NOS1AP: variants seen among roughly 807,000 people sequenced by gnomAD.
The protein encoded by NOS1AP is nitric oxide synthase 1 adaptor protein.
In NOS1AP, 21 loss-of-function variants were observed where a neutral mutation model predicts 56.2. The ratio of observed to expected loss-of-function variants is 0.37; its 90% confidence interval spans 0.26 to 0.54. The LOEUF (loss-of-function observed/expected upper bound fraction) is 0.54, where lower values mean the gene tolerates loss of function less well. Ranked by LOEUF, NOS1AP falls within the 20% of genes least tolerant of loss-of-function variation. The probability of loss-of-function intolerance (pLI) is 0.84; values close to 1 mark genes in which losing one functional copy is unlikely to be tolerated. For synonymous variants in NOS1AP, 270 were observed against 274.6 expected, an observed-to-expected ratio of 0.98 and a Z score of 0.17; for missense variants, 522 against 657.8, an observed-to-expected ratio of 0.79 and a Z score of 2.26.
intron 1 of NOS1AP, among the ~76,000 whole-genome samples, chr1:162,083,721 C>T (rs189907608): frequency 5.3e-4 from 80 of 152,276 alleles, no homozygotes; most frequent in African/African-American, 1.9e-3. Flanking sequence ...AGGAAATTAC[C>T]TGCAAATTCC....
At chr1:162,254,080 T>G (rs1006376754) in intron 2 of NOS1AP, among the ~76,000 whole-genome samples, 1 of 152,216 alleles carries the variant, frequency 6.6e-6, no homozygotes, top group Non-Finnish European at 1.5e-5. Flanking sequence ...TTCTTATTTT[T>G]TGAGTAATTG....
chr1:162,269,437 A>G (rs1375641500), intron 2 of NOS1AP, among the ~76,000 whole-genome samples: 2 of 152,194 alleles, frequency 1.3e-5, no homozygotes, highest in African/African-American at 2.4e-5. Context: ...AATGGCTGAT[A>G]TCTTGGAAAT....
intron 4 of NOS1AP, among the ~76,000 whole-genome samples, chr1:162,330,765 T>A (rs1656740966): frequency 6.6e-6 from 1 of 152,180 alleles, no homozygotes; most frequent in Non-Finnish European, 1.5e-5. Flanking sequence ...CAGCACACTG[T>A]TTACAGGATG....
At chr1:162,105,170 G>A (rs548164377) in intron 1 of NOS1AP, among the ~76,000 whole-genome samples, 1 of 152,342 alleles carries the variant, frequency 6.6e-6, no homozygotes, top group East Asian at 1.9e-4. Flanking sequence ...CACTGCTGCA[G>A]TTTGCTGGGG....
chr1:162,289,170 G>A (rs900319458), intron 3 of NOS1AP, among the ~76,000 whole-genome samples: 7 of 150,930 alleles, frequency 4.6e-5, no homozygotes, highest in Non-Finnish European at 8.9e-5. Flanking sequence ...ACTTCTGACT[G>A]ACATATCTTT....
chr1:162,265,809 A>C (rs1304668919), intron 2 of NOS1AP, among the ~76,000 whole-genome samples: 1 of 152,206 alleles, frequency 6.6e-6, no homozygotes, highest in African/African-American at 2.4e-5. Context: ...AGGAACAATA[A>C]AACCTTAAAA....
intron 4 of NOS1AP, among the ~76,000 whole-genome samples, chr1:162,320,059 C>T (rs1356596561): frequency 6.6e-6 from 1 of 152,172 alleles, no homozygotes; most frequent in Non-Finnish European, 1.5e-5. Flanking sequence ...GCACTTGCCA[C>T]ACCCTGTCTG....
intron 2 of NOS1AP, among the ~76,000 whole-genome samples, chr1:162,162,926 A>C (rs1650295052): frequency 6.6e-6 from 1 of 152,090 alleles, no homozygotes; most frequent in African/African-American, 2.4e-5. Flanking sequence ...CGCGAACCCC[A>C]AAAAGAAACT....
At chr1:162,316,710 G>A (rs1656242084) in intron 4 of NOS1AP, 1 of 152,496 alleles carries the variant, frequency 6.6e-6, no homozygotes, top group South Asian at 2.1e-4. Context: ...ATGTTTTAGG[G>A]GCAGGGGGTG....
chr1:162,078,154 C>A (rs750896723), intron 1 of NOS1AP, among the ~76,000 whole-genome samples: 15 of 152,148 alleles, frequency 9.9e-5, no homozygotes, highest in Non-Finnish European at 1.9e-4. Flanking sequence ...CCTTTGGATT[C>A]TATCTACTCC....
At chr1:162,359,064 A>C (rs1435240897) in intron 8 of NOS1AP, among the ~76,000 whole-genome samples, 1 of 152,134 alleles carries the variant, frequency 6.6e-6, no homozygotes, top group Non-Finnish European at 1.5e-5. Context: ...GCCCTGTTTT[A>C]ATTGTGTCTC....
At chr1:162,275,615 A>T (rs1654708253) in intron 2 of NOS1AP, among the ~76,000 whole-genome samples, 3 of 152,066 alleles carry the variant, frequency 2.0e-5, no homozygotes, top group African/African-American at 7.2e-5. Context: ...TCATAGTTGG[A>T]GGGGGAAACC....
intron 2 of NOS1AP, among the ~76,000 whole-genome samples, chr1:162,276,966 G>T (rs1477982784): frequency 1.3e-5 from 2 of 152,136 alleles, no homozygotes; most frequent in African/African-American, 4.8e-5. Context: ...CTTAGAGATG[G>T]TTAGTTCACA....
chr1:162,192,910 G>A (rs1456322154), intron 2 of NOS1AP, among the ~76,000 whole-genome samples: 3 of 152,062 alleles, frequency 2.0e-5, no homozygotes, highest in Admixed American at 1.3e-4. Context: ...GACTTAGCAA[G>A]GGATCTATTC....
chr1:162,336,699 C>T (rs138680073), intron 5 of NOS1AP, among the ~76,000 whole-genome samples: 8 of 152,210 alleles, frequency 5.3e-5, no homozygotes, highest in African/African-American at 9.6e-5. Flanking sequence ...GGACTTTGAA[C>T]GCTAAACCCT....
chr1:162,312,762 C>T lies in NOS1AP; in HGVS notation c.344+12056C>T, dbSNP rs186912744. ...TACTGGCAAAACGAATCCAGCAGCA[C>T]GTCAAAAAGCTTATCCACCATGATC... On this transcript the variant is annotated intron_variant, in intron 4 of 9. Transcript: ENST00000361897. Among the ~76,000 whole-genome samples, 815 of 152,166 alleles carry T rather than the reference C, an allele frequency of 5.4e-3. 5 individuals carry two copies. The highest frequency in any genetic ancestry group is 0.019 in the African/African-American group (780 of 41,516).
intron 1 of NOS1AP, among the ~76,000 whole-genome samples, chr1:162,116,725 A>C (rs1179962246): frequency 1.3e-5 from 2 of 152,228 alleles, no homozygotes; most frequent in East Asian, 1.9e-4. Context: ...CTGAATTCAC[A>C]AATTGACATT....
chr1:162,268,324 A>T (rs1409073218), intron 2 of NOS1AP, among the ~76,000 whole-genome samples: 1 of 99,058 alleles, frequency 1.0e-5, no homozygotes, highest in African/African-American at 3.2e-5. Flanking sequence ...CCCCCCCCCT[A>T]TTTCTAGAAT....
chr1:162,149,039 G>T (rs531169758), intron 1 of NOS1AP, among the ~76,000 whole-genome samples: 1 of 152,300 alleles, frequency 6.6e-6, no homozygotes, highest in East Asian at 1.9e-4. Flanking sequence ...ACATGACATG[G>T]GAGAAGGAGG....
Sources: allele counts gnomAD v4.1 joint callset (sites outside exome capture counted in the v4.1 genomes callset), GRCh38; gene constraint gnomAD v4.1.1; transcripts MANE v1.5; gene names NCBI Gene and HGNC (gene_info 2026-07-23, HGNC 2026-07-21).